The following LARGE1 variants were observed in gnomAD, a reference collection of about 807,000 sequenced individuals.
LARGE1 encodes xylosyl- and glucuronyltransferase LARGE1.
LARGE1 carries 43 observed loss-of-function variants against 87.6 expected under a neutral mutation model. That is an observed-to-expected ratio of 0.49 (90% CI 0.38 to 0.63). The LOEUF is 0.63. LARGE1 is among the 30% of genes least tolerant of loss of function. LARGE1 has a pLI of 0.00. For missense variants in LARGE1, 802 were observed against 1,000.2 expected (o/e 0.80, Z 2.67); for synonymous variants, 434 against 394.6 (o/e 1.10, Z -1.18).
chr22:33,781,729 G>T (rs879723820), intron 1 of LARGE1, among the ~76,000 whole-genome samples: 1 of 152,064 alleles, frequency 6.6e-6, no homozygotes, highest in Non-Finnish European at 1.5e-5. Context: ...GCCAAACCCC[G>T]TGCTAAGTAA....
intron 1 of LARGE1, among the ~76,000 whole-genome samples, chr22:33,857,236 T>C (rs1300623775): frequency 2.0e-5 from 3 of 152,068 alleles, no homozygotes; most frequent in South Asian, 2.1e-4. Flanking sequence ...CATCTTTAAG[T>C]AAAGGTTCAT....
At chr22:33,816,733 CAGAT>C (rs3072338) in intron 1 of LARGE1, among the ~76,000 whole-genome samples, 5 of 150,128 alleles carry the variant, frequency 3.3e-5, no homozygotes, top group South Asian at 2.2e-4. Flanking sequence ...GACAGACAGA[CAGAT>C]ACAGAAAGAC....
chr22:33,290,636 GC>G (rs905313609), intron 12 of LARGE1, among the ~76,000 whole-genome samples: 1 of 152,186 alleles, frequency 6.6e-6, no homozygotes, highest in African/African-American at 2.4e-5. Flanking sequence ...AGAGCTGGGG[GC>G]TGGCAGCTGG....
intron 6 of LARGE1, among the ~76,000 whole-genome samples, chr22:33,551,548 A>G (rs78183192): frequency 0.043 from 6,588 of 152,322 alleles, 197 homozygotes; most frequent in Non-Finnish European, 0.064. Flanking sequence ...TACATCTAGA[A>G]CAAACAAGAA....
chr22:33,447,675 G>T (rs1439586856), intron 6 of LARGE1, among the ~76,000 whole-genome samples: 2 of 152,252 alleles, frequency 1.3e-5, no homozygotes. Context: ...TTACTATGGT[G>T]TATGTCTTGG....
intron 6 of LARGE1, among the ~76,000 whole-genome samples, chr22:33,439,639 A>G (rs2067397999): frequency 6.6e-6 from 1 of 152,088 alleles, no homozygotes; most frequent in South Asian, 2.1e-4. Flanking sequence ...GACACTATTG[A>G]CTGGAAGATG....
intron 6 of LARGE1, among the ~76,000 whole-genome samples, chr22:33,528,696 C>T (rs1282877389): frequency 6.6e-6 from 1 of 152,084 alleles, no homozygotes; most frequent in Non-Finnish European, 1.5e-5. Context: ...TTGTCAATCC[C>T]TTGCAGAAGA....
chr22:33,125,429 G>A, the LARGE1 span, among the ~76,000 whole-genome samples: 2 of 150,092 alleles, frequency 1.3e-5, no homozygotes, highest in South Asian at 4.3e-4. Flanking sequence ...GTGAAGACGA[G>A]TACACATCCT....
At chr22:33,456,606 T>C (rs926892721) in intron 6 of LARGE1, among the ~76,000 whole-genome samples, 5 of 152,218 alleles carry the variant, frequency 3.3e-5, no homozygotes, top group Non-Finnish European at 5.9e-5. Flanking sequence ...AAAGACATCA[T>C]AGAAATGGCA....
chr22:33,778,518 TG>T (rs1356257220), intron 1 of LARGE1, among the ~76,000 whole-genome samples: 5 of 152,226 alleles, frequency 3.3e-5, no homozygotes, highest in African/African-American at 1.2e-4. Flanking sequence ...ATCTGCTTTC[TG>T]CCTCTACAGA....
intron 1 of LARGE1, among the ~76,000 whole-genome samples, chr22:33,783,303 G>C (rs1393487486): frequency 6.6e-6 from 1 of 152,126 alleles, no homozygotes; most frequent in Non-Finnish European, 1.5e-5. Context: ...CTAGAAGGCT[G>C]AGATATTTAA....
chr22:33,121,047 T>C, the LARGE1 span, among the ~76,000 whole-genome samples: 29 of 152,008 alleles, frequency 1.9e-4, no homozygotes, highest in South Asian at 4.2e-4. Context: ...ATCTGTGGTG[T>C]CAAGCAGAAG....
intron 1 of LARGE1, among the ~76,000 whole-genome samples, chr22:33,808,426 T>C (rs955733373): frequency 2.6e-5 from 4 of 152,206 alleles, no homozygotes; most frequent in Non-Finnish European, 5.9e-5. Flanking sequence ...GTGCTGAGAC[T>C]CAGCAAGAAC....
Position 33,346,231 on chromosome 22 carries a change from TCTTCCTTC to T in LARGE1, c.1132-8438_1132-8431del, listed in dbSNP as rs373678345. On this transcript the variant is annotated intron_variant, in intron 9 of 14. Transcript: ENST00000397394. ...TACCCTACCTTCTTTTCTCTTCCTTTCTTCCTTCCTTCCTTCCTTCCTCTCTTCTCTCT... is the reference window on the plus strand; with the variant it reads ...TACCCTACCTTCTTTTCTCTTCCTTTCTTCCTTCCTTCCTCTCTTCTCTCT... 1.8e-3 allele frequency among the ~76,000 whole-genome samples: 278 copies of T among 151,332 alleles called. 2 individuals are homozygous for T. The highest frequency in any genetic ancestry group is 4.9e-3 in the African/African-American group (202 of 41,272).
chr22:33,103,950 A>T, the LARGE1 span, among the ~76,000 whole-genome samples: 1,151 of 152,300 alleles, frequency 7.6e-3, 18 homozygotes, highest in African/African-American at 0.026. Context: ...CCATGTAAGA[A>T]GTGCCTTTCA....
chr22:33,504,037 A>T (rs1004176135), intron 6 of LARGE1, among the ~76,000 whole-genome samples: 1 of 152,192 alleles, frequency 6.6e-6, no homozygotes, highest in Non-Finnish European at 1.5e-5. Context: ...CACATGTTGT[A>T]TATTATTACT....
At chr22:33,336,364 T>C (rs745794498) in intron 10 of LARGE1, among the ~76,000 whole-genome samples, 1 of 151,982 alleles carries the variant, frequency 6.6e-6, no homozygotes, top group Non-Finnish European at 1.5e-5. Flanking sequence ...CCATGCCTGG[T>C]AATTTTTGTA....
intron 6 of LARGE1, among the ~76,000 whole-genome samples, chr22:33,442,935 GGCGCCC>G (rs1365353762): frequency 6.6e-6 from 1 of 152,072 alleles, no homozygotes; most frequent in Non-Finnish European, 1.5e-5. Flanking sequence ...TGGGACTACA[GGCGCCC>G]GCACCACATC....
intron 6 of LARGE1, among the ~76,000 whole-genome samples, chr22:33,469,090 A>G (rs1274112568): frequency 6.6e-6 from 1 of 152,210 alleles, no homozygotes; most frequent in Non-Finnish European, 1.5e-5. Context: ...TGCTGGTAGG[A>G]ATGTAAATTA....
Sources: allele counts gnomAD v4.1 joint callset (sites outside exome capture counted in the v4.1 genomes callset), GRCh38; gene constraint gnomAD v4.1.1; transcripts MANE v1.5; gene names NCBI Gene and HGNC (gene_info 2026-07-23, HGNC 2026-07-21).